The following KIF2A variants were observed in gnomAD, a reference collection of about 807,000 sequenced individuals.
KIF2A encodes the protein kinesin-like protein KIF2A.
In KIF2A, 22 loss-of-function variants were observed where a neutral mutation model predicts 100.2. The ratio of observed to expected loss-of-function variants is 0.22; its 90% CI spans 0.16 to 0.31. The LOEUF (loss-of-function observed/expected upper bound fraction) is 0.31, where lower values mean the gene tolerates loss of function less well. KIF2A is among the 10% of genes least tolerant of loss of function. KIF2A has a pLI of 1.00. For missense variants in KIF2A, 495 were observed against 898.7 expected (o/e 0.55, Z 5.74); for synonymous variants, 268 against 285.9 (o/e 0.94, Z 0.63).
intron 1 of KIF2A, among the ~76,000 whole-genome samples, chr5:62,346,362 A>G (rs1182158713): frequency 6.6e-6 from 1 of 152,184 alleles, no homozygotes; most frequent in Non-Finnish European, 1.5e-5. Flanking sequence ...ACATTTCTTA[A>G]TTTTAAAATT....
chr5:62,363,650 A>C, intron 13 of KIF2A, 45 bp from the exon 14 acceptor site: 3 of 1,515,002 alleles, frequency 2.0e-6, no homozygotes, highest in Non-Finnish European at 2.7e-6. Context: ...TGAACATGTA[A>C]ATTGAAGTTT....
rs1007485152 is a variant in KIF2A at position 62,377,878 on chromosome 5, T to C, written c.2013+116T>C. ...AAATACTTGTTTGTATATATGTATATGTGTATTTGTAGGGCATGTGACATG... is the reference window on the plus strand; with the variant it reads ...AAATACTTGTTTGTATATATGTATACGTGTATTTGTAGGGCATGTGACATG... On this transcript the variant is annotated intron_variant, in intron 19 of 20. Coordinates refer to ENST00000407818, the MANE Select transcript of KIF2A (RefSeq NM_001098511.3). 11 of 538,158 alleles carry C rather than the reference T, an allele frequency of 2.0e-5. No homozygotes were observed. In the African/African-American group the frequency reaches 2.1e-4, roughly 10 times the overall value. 33.3% of individuals were successfully genotyped at this position (538,158 alleles called of 1,614,324 possible).
chr5:62,355,272 C>T lies in KIF2A; in HGVS notation c.654+18C>T. On this transcript the variant is annotated intron_variant, in intron 7 of 20. Coordinates refer to ENST00000407818, the MANE Select transcript of KIF2A (RefSeq NM_001098511.3). ...CAGATCCTGTAAGATTCTTTGTAAA[C>T]CATTATTCTGGAACTTTTTATGCTT... 7.8e-7 allele frequency: 1 copy of T among 1,275,914 alleles called. No individual in the cohort carries two copies. Among genetic ancestry groups the T allele is most frequent in the Non-Finnish European group, 1.1e-6 (1 of 888,076 alleles). The allele number at this position is 1,275,914 out of a possible 1,614,324, so 79.0% of individuals were successfully genotyped here.
At chr5:62,356,236 C>T (rs1323715769) in intron 7 of KIF2A, among the ~76,000 whole-genome samples, 1 of 152,222 alleles carries the variant, frequency 6.6e-6, no homozygotes, top group East Asian at 1.9e-4. Flanking sequence ...GTTGATAATA[C>T]TTGTATCCCA....
At chr5:62,361,169 T>C (rs898259661) in intron 9 of KIF2A, 73 bp from the exon 10 acceptor site, 1 of 693,704 alleles carries the variant, frequency 1.4e-6, no homozygotes, top group Non-Finnish European at 2.4e-6. Flanking sequence ...TAAAATACTT[T>C]GTATTACTCA....
intron 1 of KIF2A, among the ~76,000 whole-genome samples, chr5:62,346,903 T>A (rs1395024898): frequency 6.6e-6 from 1 of 152,198 alleles, no homozygotes; most frequent in Non-Finnish European, 1.5e-5. Flanking sequence ...AAATAAACTT[T>A]AGGTCTTACC....
At chr5:62,333,456 A>G (rs369785501) in intron 1 of KIF2A, among the ~76,000 whole-genome samples, 8 of 152,186 alleles carry the variant, frequency 5.3e-5, no homozygotes, top group African/African-American at 1.9e-4. Context: ...CATCAGGGGC[A>G]GGGCAAATGA....
chr5:62,328,504 T>A (rs1486565619), intron 1 of KIF2A, among the ~76,000 whole-genome samples: 1 of 152,174 alleles, frequency 6.6e-6, no homozygotes, highest in Non-Finnish European at 1.5e-5. Context: ...AATACTCTTT[T>A]TTTTGAAATG....
intron 18 of KIF2A, among the ~76,000 whole-genome samples, chr5:62,376,410 G>T (rs112449260): frequency 0.057 from 5,081 of 89,152 alleles, 209 homozygotes; most frequent in African/African-American, 0.17. Flanking sequence ...AGTTTTTTTT[G>T]TTTGTTTGTT....
intron 17 of KIF2A, among the ~76,000 whole-genome samples, 179 bp downstream of exon 17, chr5:62,372,730 T>A (rs545573649): frequency 2.4e-4 from 37 of 152,220 alleles, no homozygotes; most frequent in Admixed American, 1.9e-3. Flanking sequence ...TTAATTTGTT[T>A]GCTTTAAAAT....
Position 62,385,746 on chromosome 5 carries a change from G to A in KIF2A, c.*177G>A. The stretch of plus-strand genomic sequence containing the variant: ...CTCTTTTGTCTACAAAATGCTTCTA[G>A]TCCAGGAGGCACAACCAAGAACTGG... On this transcript the variant is annotated 3_prime_UTR_variant, in exon 21 of 21. Transcript: ENST00000407818. 1.7e-6 allele frequency: 1 copy of A among 574,870 alleles called. No homozygotes were observed. The highest frequency in any genetic ancestry group is 2.3e-5 in the South Asian group (1 of 42,580). The allele number at this position is 574,870 out of a possible 1,614,324, so 35.6% of individuals were successfully genotyped here. A position where few individuals can be genotyped will look rare whatever the true frequency, so the allele number is the denominator to read the frequency against.
In KIF2A at chr5:62,306,483, C is replaced by G; in HGVS notation, c.11C>G (p.Ala4Gly). 6.5e-7 allele frequency: 1 copy of G among 1,545,378 alleles called. No homozygotes were observed. The highest frequency in any genetic ancestry group is 1.2e-5 in the South Asian group (1 of 83,104). Residue 4 changes from alanine (A) to glycine (G), a missense_variant, in exon 1 of 21, where the codon GCC becomes GGC. Physicochemically the swap from Ala to Gly is moderately conservative, Grantham distance 60. Around this residue, in one of 10 missense-constraint regions of KIF2A, gnomAD observed 26 missense variants for 16.4 expected, o/e 1.59. Transcript: ENST00000407818. MATANFGKIQIGIY... is the reference protein window; with the variant it reads MATGNFGKIQIGIY... ...GCTCCAGATGAGGTGATGGCAACGG[C>G]CAACTTCGGCAAGATCCAGATCGGG...
intron 19 of KIF2A, among the ~76,000 whole-genome samples, chr5:62,380,800 G>A (rs909745751): frequency 2.0e-5 from 3 of 152,152 alleles, no homozygotes; most frequent in African/African-American, 4.8e-5. Context: ...AGGCTGAGGA[G>A]GAAGAGGCAG....
At chr5:62,337,112 A>G (rs952755847) in intron 1 of KIF2A, among the ~76,000 whole-genome samples, 1 of 152,218 alleles carries the variant, frequency 6.6e-6, no homozygotes, top group Non-Finnish European at 1.5e-5. Context: ...CCTACCAAAT[A>G]CTCAAGAGTT....
chr5:62,324,907 C>T (rs1202513462), intron 1 of KIF2A, among the ~76,000 whole-genome samples: 1 of 152,114 alleles, frequency 6.6e-6, no homozygotes, highest in Non-Finnish European at 1.5e-5. Context: ...ACAGAGTAAA[C>T]AGACAACCTA....
intron 1 of KIF2A, among the ~76,000 whole-genome samples, chr5:62,318,088 CTT>C (rs1285762833): frequency 4.1e-5 from 6 of 145,116 alleles, no homozygotes; most frequent in Non-Finnish European, 6.1e-5. Flanking sequence ...ATTTAGTGGA[CTT>C]TTTTTTTTTT....
chr5:62,335,481 G>A (rs1746891588), intron 1 of KIF2A, among the ~76,000 whole-genome samples: 1 of 152,182 alleles, frequency 6.6e-6, no homozygotes, highest in Non-Finnish European at 1.5e-5. Flanking sequence ...GAAAAAGCAA[G>A]GAGTTTGTTC....
rs114598349 is a variant in KIF2A at position 62,378,690 on chromosome 5, G to A, written c.2013+928G>A. 6.7e-3 allele frequency among the ~76,000 whole-genome samples: 1,016 copies of A among 152,284 alleles called. 19 individuals are homozygous for A. Among genetic ancestry groups the A allele is most frequent in the African/African-American group, 0.023 (972 of 41,564 alleles). On this transcript the variant is annotated intron_variant, in intron 19 of 20. Transcript: ENST00000407818. Reference sequence around the variant, plus strand: ...ACCAGCACTGTGGGAGGCCCAGGAGGGTGGATCACTTGAGCCCAGGAATTC... The same window carrying A: ...ACCAGCACTGTGGGAGGCCCAGGAGAGTGGATCACTTGAGCCCAGGAATTC...
intron 14 of KIF2A, 114 bp from the exon 15 acceptor site, chr5:62,365,129 C>A: frequency 2.0e-6 from 1 of 494,798 alleles, no homozygotes; most frequent in Admixed American, 4.1e-5. Flanking sequence ...ATTTTCAAAA[C>A]TGATCAGACC....
Sources: allele counts gnomAD v4.1 joint callset (sites outside exome capture counted in the v4.1 genomes callset), GRCh38; gene constraint gnomAD v4.1.1; regional missense constraint gnomAD v4.1.1; transcripts MANE v1.5; gene names NCBI Gene and HGNC (gene_info 2026-07-23, HGNC 2026-07-21).